Variants in CDH20 observed in about 807,000 individuals in gnomAD.
CDH20 encodes the protein cadherin 20, also known as cadherin-20.
A neutral mutation model predicts 74.2 loss-of-function variants in CDH20; 29 were observed. The observed-to-expected ratio is 0.39, with a 90% CI of 0.29 to 0.53. CDH20 has a LOEUF of 0.53. CDH20 is among the 20% of genes least tolerant of loss of function. The pLI is 0.69. For missense variants in CDH20, 988 were observed against 1,048.3 expected (o/e 0.94, Z 0.79); for synonymous variants, 469 against 405.4 (o/e 1.16, Z -1.88).
At chr18:61,543,247 A>G (rs1262587181) in intron 9 of CDH20, among the ~76,000 whole-genome samples, 2 of 152,210 alleles carry the variant, frequency 1.3e-5, no homozygotes, top group Non-Finnish European at 2.9e-5. Flanking sequence ...GAAGAAATAC[A>G]AACTAAGCAA....
chr18:61,458,126 C>A (rs115611754), intron 1 of CDH20, among the ~76,000 whole-genome samples: 1 of 152,134 alleles, frequency 6.6e-6, no homozygotes, highest in Non-Finnish European at 1.5e-5. Context: ...CTGAGTCTTG[C>A]TATGAGACCT....
intron 1 of CDH20, among the ~76,000 whole-genome samples, chr18:61,407,165 C>T (rs553968213): frequency 6.6e-6 from 1 of 152,126 alleles, no homozygotes; most frequent in Non-Finnish European, 1.5e-5. Context: ...AAATAAAGTT[C>T]TCTTTATGAT....
intron 1 of CDH20, among the ~76,000 whole-genome samples, chr18:61,439,036 G>A (rs1022699751): frequency 2.6e-5 from 4 of 152,010 alleles, no homozygotes; most frequent in African/African-American, 7.2e-5. Context: ...CTCACAAGTG[G>A]GGGCAAAACA....
chr18:61,339,392 T>C (rs570839724), intron 1 of CDH20, among the ~76,000 whole-genome samples: 148 of 144,720 alleles, frequency 1.0e-3, no homozygotes, highest in Middle Eastern at 3.6e-3. Flanking sequence ...CACACACACA[T>C]ATATATTGCA....
Position 61,536,478 on chromosome 18 carries a change from T to C in CDH20, c.1272-15T>C, listed in dbSNP as rs769546627. On this transcript the variant is annotated splice_polypyrimidine_tract_variant and intron_variant, in intron 7 of 11. Transcript: ENST00000262717. ...ACCCAAATGCAAATGATGTACGTAATCCATGTTTCTGCAGATACTCCATTG... is the reference window on the plus strand; with the variant it reads ...ACCCAAATGCAAATGATGTACGTAACCCATGTTTCTGCAGATACTCCATTG... 6.2e-7 allele frequency: 1 copy of C among 1,612,618 alleles called. No individual in the cohort carries two copies. Among genetic ancestry groups the C allele is most frequent in the Non-Finnish European group, 8.5e-7 (1 of 1,178,776 alleles).
chr18:61,376,121 T>C (rs879181405), intron 1 of CDH20, among the ~76,000 whole-genome samples: 1 of 152,136 alleles, frequency 6.6e-6, no homozygotes, highest in Admixed American at 6.6e-5. Context: ...GAGAATATTA[T>C]AGAATTTGAG....
At chr18:61,549,862 G>T in intron 10 of CDH20, 116 bp from the exon 11 acceptor site, 1 of 1,069,472 alleles carries the variant, frequency 9.4e-7, no homozygotes, top group Admixed American at 2.2e-5. Flanking sequence ...CACTACCAGG[G>T]AATATCTGAC....
chr18:61,397,937 T>C (rs577929958), intron 1 of CDH20, among the ~76,000 whole-genome samples: 3 of 152,230 alleles, frequency 2.0e-5, no homozygotes, highest in Non-Finnish European at 4.4e-5. Context: ...GAAAACGTTT[T>C]TGTTGAATGT....
rs137923981 is a variant in CDH20, at chr18:61,508,881, C to T, written c.1017+1321C>T. Among the ~76,000 whole-genome samples the T allele has an allele frequency of 8.5e-3, 1,301 of 152,258 alleles. 24 individuals carry two copies. Among genetic ancestry groups the T allele is most frequent in the African/African-American group, 0.029 (1,213 of 41,544 alleles). ...TGAACTCCTGAGCTCAGGCAATCTGCCCCCCTCAGCCTCCCAAAGTGCTGG... is the reference window on the plus strand; with the variant it reads ...TGAACTCCTGAGCTCAGGCAATCTGTCCCCCTCAGCCTCCCAAAGTGCTGG... On this transcript the variant is annotated intron_variant, in intron 6 of 11. Transcript: ENST00000262717.
Position 61,464,564 on chromosome 18 carries a change from T to G in CDH20, c.-152-25838T>G, listed in dbSNP as rs77255550. 3.7e-4 allele frequency among the ~76,000 whole-genome samples: 56 copies of G among 152,290 alleles called. 1 individual carries two copies. The East Asian group carries it at 0.011, about 29-fold the overall frequency. On this transcript the variant is annotated intron_variant, in intron 1 of 11. Coordinates refer to ENST00000262717, the MANE Select transcript of CDH20 (RefSeq NM_031891.4). Reference sequence around the variant, plus strand: ...CTGTTTTCTGGATGCTTTGATTCACTGCACTGGTCAACTTAGAGTATGGGA... The same window carrying G: ...CTGTTTTCTGGATGCTTTGATTCACGGCACTGGTCAACTTAGAGTATGGGA...
chr18:61,383,978 C>T (rs1207971866), intron 1 of CDH20, among the ~76,000 whole-genome samples: 2 of 152,234 alleles, frequency 1.3e-5, no homozygotes, highest in Admixed American at 6.5e-5. Context: ...GAAGCCTCCC[C>T]TACCATGCAC....
At chr18:61,395,893 C>T (rs1330262339) in intron 1 of CDH20, among the ~76,000 whole-genome samples, 3 of 152,084 alleles carry the variant, frequency 2.0e-5, no homozygotes, top group Admixed American at 2.0e-4. Context: ...ATTAGTTGGG[C>T]GTGGTGGCAC....
At chr18:61,498,165 C>T (rs945750679) in intron 2 of CDH20, among the ~76,000 whole-genome samples, 5 of 151,994 alleles carry the variant, frequency 3.3e-5, no homozygotes, top group African/African-American at 4.8e-5. Context: ...TTTGGGAGGC[C>T]GAGGCAGGTA....
chr18:61,545,378 T>A (rs758784), intron 10 of CDH20, among the ~76,000 whole-genome samples: 1 of 151,584 alleles, frequency 6.6e-6, no homozygotes, highest in South Asian at 2.1e-4. Context: ...AAAGTGCTAG[T>A]ATTACAGACA....
At chr18:61,433,866 T>A (rs1233935026) in intron 1 of CDH20, among the ~76,000 whole-genome samples, 1 of 152,112 alleles carries the variant, frequency 6.6e-6, no homozygotes, top group Non-Finnish European at 1.5e-5. Context: ...CAAGAAACAG[T>A]ATAGAAAATG....
intron 2 of CDH20, among the ~76,000 whole-genome samples, chr18:61,493,677 G>T (rs1351370734): frequency 1.3e-5 from 2 of 152,184 alleles, no homozygotes; most frequent in Admixed American, 6.5e-5. Flanking sequence ...CAAAGTTTTA[G>T]CTTAAAATCA....
intron 1 of CDH20, among the ~76,000 whole-genome samples, chr18:61,335,209 T>C (rs1054554791): frequency 2.0e-5 from 3 of 152,198 alleles, no homozygotes; most frequent in Non-Finnish European, 2.9e-5. Context: ...CATTTATTTA[T>C]ATAACCTGGG....
intron 1 of CDH20, among the ~76,000 whole-genome samples, chr18:61,469,400 CA>C (rs1413064223): frequency 1.5e-4 from 23 of 149,822 alleles, no homozygotes; most frequent in African/African-American, 4.0e-4. Context: ...CACACACACA[CA>C]CACCCCTATA....
Position 61,490,405 on chromosome 18 carries a change from G to A in CDH20, c.-149G>A. On this transcript the variant is annotated 5_prime_UTR_variant, in exon 2 of 12. Transcript: ENST00000262717. ...TGTGTTTTCCTTAACTTGACAGGAA[G>A]TCAACTTCAAGCAGATTGACTTGAA... 1.3e-6 allele frequency: 1 copy of A among 752,516 alleles called. No individual in the cohort carries two copies. Among genetic ancestry groups the A allele is most frequent in the South Asian group, 1.8e-5 (1 of 54,852 alleles). The allele number at this position is 752,516 out of a possible 1,614,324, so 46.6% of individuals were successfully genotyped here.
Sources: gnomAD v4.1 joint callset for allele counts (sites outside exome capture counted in the v4.1 genomes callset) on GRCh38, gnomAD v4.1.1 for gene constraint, MANE v1.5 for transcripts, NCBI Gene and HGNC (gene_info 2026-07-23, HGNC 2026-07-21) for gene names.